GREB1L: variants seen among roughly 807,000 people sequenced by gnomAD.
GREB1L encodes the protein GREB1 like retinoic acid receptor coactivator, also known as GREB1-like protein.
GREB1L carries 17 observed loss-of-function variants against 200.8 expected under a neutral mutation model. The observed-to-expected ratio is 0.08, with a 90% confidence interval of 0.06 to 0.13. The LOEUF (loss-of-function observed/expected upper bound fraction) is 0.13. Among genes scored for constraint, GREB1L ranks in the 10% least tolerant of loss-of-function variants. GREB1L has a pLI of 1.00. For synonymous variants in GREB1L, 789 were observed against 893.0 expected (o/e 0.88, Z 2.08); for missense variants, 1,657 against 2,367.7 (o/e 0.70, Z 6.23).
intron 28 of GREB1L, among the ~76,000 whole-genome samples, chr18:21,514,334 T>C (rs532107430): frequency 3.3e-5 from 5 of 152,106 alleles, no homozygotes; most frequent in Admixed American, 3.3e-4. Flanking sequence ...CTGGCCAACA[T>C]GGTGAAATCC....
In GREB1L at chr18:21,487,392, A is replaced by G. The variant is rs145067491; in HGVS notation, c.2690+1639A>G. Among the ~76,000 whole-genome samples the G allele has an allele frequency of 7.5e-3, 1,139 of 152,302 alleles. 13 individuals are homozygous for G. The highest frequency in any genetic ancestry group is 0.025 in the African/African-American group (1,030 of 41,562). ...AGATATCAAAGTTACCATTTATTCTAACTTTGGCTTTTCTACGTGGCCCAG... is the reference window on the plus strand; with the variant it reads ...AGATATCAAAGTTACCATTTATTCTGACTTTGGCTTTTCTACGTGGCCCAG... On this transcript the variant is annotated intron_variant, in intron 18 of 32. Transcript: ENST00000424526.
In GREB1L at chr18:21,499,809, A is replaced by G. The variant is rs1005821045; in HGVS notation, c.3472A>G (p.Ser1158Gly). 20 of 1,551,774 alleles carry G rather than the reference A, an allele frequency of 1.3e-5. No homozygotes were observed. In the African/African-American group the frequency reaches 2.3e-4, roughly 18 times the overall value. Reference sequence around the variant, plus strand: ...GCAGTCCCTGACCCCCAGCTTTCAGAGCCCAGCCACCAGCTTGGGGCTGGA... The same window carrying G: ...GCAGTCCCTGACCCCCAGCTTTCAGGGCCCAGCCACCAGCTTGGGGCTGGA... ...QKQSLTPSFQSPATSLGLDEG... is the reference protein window; with the variant it reads ...QKQSLTPSFQGPATSLGLDEG... The change falls in exon 22 of 33, where the codon AGC (serine) becomes GGC (glycine). Residue 1158 changes from serine to glycine, a missense_variant. By Grantham distance (56) the Ser-to-Gly change is moderately conservative (BLOSUM62 0). Coordinates refer to ENST00000424526, the MANE Select transcript of GREB1L (RefSeq NM_001142966.3).
intron 7 of GREB1L, among the ~76,000 whole-genome samples, chr18:21,438,403 A>G (rs2033678764): frequency 6.6e-6 from 1 of 152,086 alleles, no homozygotes; most frequent in Admixed American, 6.5e-5. Context: ...GGTGGCTCAC[A>G]CCTGTAATCC....
At chr18:21,482,897 T>G (rs1012101565) in intron 17 of GREB1L, among the ~76,000 whole-genome samples, 4 of 152,178 alleles carry the variant, frequency 2.6e-5, no homozygotes, top group African/African-American at 9.7e-5. Context: ...AGTCAGACGA[T>G]TTATGATACC....
chr18:21,505,684 CTG>C, intron 24 of GREB1L, 117 bp downstream of exon 24: 1 of 1,417,854 alleles, frequency 7.1e-7, no homozygotes, highest in Admixed American at 2.4e-5. Context: ...ATTTTCATAA[CTG>C]TTTCTTAGGG....
At chr18:21,379,811 A>G (rs1240094860) in intron 2 of GREB1L, among the ~76,000 whole-genome samples, 1 of 152,174 alleles carries the variant, frequency 6.6e-6, no homozygotes, top group African/African-American at 2.4e-5. Context: ...GCTGAAAAGT[A>G]AATTACTTCT....
chr18:21,242,451 C>T (rs1044770512), intron 1 of GREB1L, 58 bp downstream of exon 1: 5 of 152,294 alleles, frequency 3.3e-5, no homozygotes, highest in African/African-American at 1.2e-4. Context: ...GCGAACCGGG[C>T]GCGGGAGCTC....
intron 7 of GREB1L, among the ~76,000 whole-genome samples, chr18:21,428,332 C>CTTTTT (rs59982674): frequency 8.7e-4 from 47 of 54,024 alleles, no homozygotes; most frequent in Admixed American, 1.4e-3. Context: ...GTCTTTTTGT[C>CTTTTT]TTTTTTTTTT....
intron 4 of GREB1L, among the ~76,000 whole-genome samples, chr18:21,391,148 ACT>A (rs2040785953): frequency 6.6e-6 from 1 of 152,224 alleles, no homozygotes; most frequent in Non-Finnish European, 1.5e-5. Context: ...TTACTCACTC[ACT>A]GACTCACCCA....
chr18:21,422,999 C>T (rs1283473440), intron 7 of GREB1L, among the ~76,000 whole-genome samples: 2 of 152,054 alleles, frequency 1.3e-5, no homozygotes, highest in Non-Finnish European at 2.9e-5. Context: ...GGCGCGATCT[C>T]GGCTCACTGC....
intron 6 of GREB1L, among the ~76,000 whole-genome samples, chr18:21,403,499 A>G (rs1320860127): frequency 6.6e-6 from 1 of 152,178 alleles, no homozygotes; most frequent in Non-Finnish European, 1.5e-5. Flanking sequence ...ATTTAAACCA[A>G]TCCCAGGTAG....
At chr18:21,519,869 TATC>T (rs1390005487) in intron 31 of GREB1L, among the ~76,000 whole-genome samples, 1 of 152,152 alleles carries the variant, frequency 6.6e-6, no homozygotes, top group Non-Finnish European at 1.5e-5. Flanking sequence ...TTTTTGCAGT[TATC>T]ATCTGTTCAC....
chr18:21,500,911 A>T (rs150138235), intron 23 of GREB1L, among the ~76,000 whole-genome samples: 3,626 of 152,126 alleles, frequency 0.024, 148 homozygotes, highest in African/African-American at 0.083. Flanking sequence ...TCTACTGAAA[A>T]TATAAAAATT....
At chr18:21,380,944 CAAT>C (rs2040280964) in intron 2 of GREB1L, among the ~76,000 whole-genome samples, 3 of 151,612 alleles carry the variant, frequency 2.0e-5, no homozygotes. Context: ...ACTAAAAATA[CAAT>C]AATTAGCCAG....
intron 15 of GREB1L, among the ~76,000 whole-genome samples, chr18:21,460,672 A>C (rs1460671732): frequency 4.6e-5 from 7 of 151,888 alleles, no homozygotes; most frequent in Non-Finnish European, 2.9e-5. Flanking sequence ...TCTCTCTCCC[A>C]TTCTCCACAG....
In GREB1L at chr18:21,508,386, G is replaced by C; in HGVS notation, c.4531-1G>C. The C allele has an allele frequency of 6.4e-7, 1 of 1,551,444 alleles. No homozygotes were observed. Among genetic ancestry groups the C allele is most frequent in the Non-Finnish European group, 8.7e-7 (1 of 1,146,858 alleles). Reference sequence around the variant, plus strand: ...TGGTCTGTTTTTTTCCCTTTCAGCAGAATTTGAATGCAGTCAAGAGCCCTA... The same window carrying C: ...TGGTCTGTTTTTTTCCCTTTCAGCACAATTTGAATGCAGTCAAGAGCCCTA... On this transcript the variant is annotated splice_acceptor_variant, in intron 26 of 32. Coordinates refer to ENST00000424526, the MANE Select transcript of GREB1L (RefSeq NM_001142966.3). LOFTEE classifies it high-confidence loss of function.
At chr18:21,320,847 G>A (rs2038940384) in intron 1 of GREB1L, among the ~76,000 whole-genome samples, 1 of 151,720 alleles carries the variant, frequency 6.6e-6, no homozygotes, top group African/African-American at 2.4e-5. Context: ...TTGAAACACA[G>A]TAAAGGACAG....
chr18:21,436,672 GTGTGTGTGT>G (rs2033559694), intron 7 of GREB1L, among the ~76,000 whole-genome samples: 1 of 52,138 alleles, frequency 1.9e-5, no homozygotes, highest in African/African-American at 5.2e-5. Flanking sequence ...GTTCAGTGGT[GTGTGTGTGT>G]GTGTGTGTGT....
chr18:21,394,196 C>A (rs1458186162), intron 4 of GREB1L, among the ~76,000 whole-genome samples: 1 of 152,164 alleles, frequency 6.6e-6, no homozygotes, highest in Non-Finnish European at 1.5e-5. Context: ...ATATGTCCAC[C>A]CTTGGACCAA....
Sources: allele counts gnomAD v4.1 joint callset (sites outside exome capture counted in the v4.1 genomes callset), GRCh38; gene constraint gnomAD v4.1.1; transcripts MANE v1.5; gene names NCBI Gene and HGNC (gene_info 2026-07-23, HGNC 2026-07-21).